RAVER2: variants seen among roughly 807,000 people sequenced by gnomAD.
RAVER2 encodes ribonucleoprotein, PTB binding 2.
A neutral mutation model predicts 78.1 loss-of-function variants in RAVER2; 46 were observed. The observed-to-expected ratio is 0.59, with a 90% CI of 0.46 to 0.75. The LOEUF is 0.75. Among genes scored for constraint, RAVER2 ranks in the 30% least tolerant of loss-of-function variants. The pLI, the probability that RAVER2 is intolerant of heterozygous loss-of-function variation, is 0.00. For synonymous variants in RAVER2, 311 were observed against 313.3 expected, an observed-to-expected ratio of 0.99 and a Z score of 0.08; for missense variants, 793 against 837.5, an observed-to-expected ratio of 0.95 and a Z score of 0.66.
chr1:64,751,124 A>G (rs527315275), intron 1 of RAVER2, among the ~76,000 whole-genome samples: 10 of 152,396 alleles, frequency 6.6e-5, no homozygotes, highest in South Asian at 2.1e-4. Flanking sequence ...CATGTAATCT[A>G]TAGCCCATTT....
At chr1:64,813,109 T>A (rs1383676970) in intron 10 of RAVER2, among the ~76,000 whole-genome samples, 5 of 152,254 alleles carry the variant, frequency 3.3e-5, no homozygotes, top group African/African-American at 1.2e-4. Flanking sequence ...TTATATATCT[T>A]GAGTATTTGA....
At chr1:64,826,576 G>T (rs555528093) in intron 11 of RAVER2, among the ~76,000 whole-genome samples, 20 of 152,324 alleles carry the variant, frequency 1.3e-4, no homozygotes, top group African/African-American at 4.3e-4. Flanking sequence ...GGTCGGGGAG[G>T]CAGAGGGCAC....
chr1:64,795,287 G>T (rs192689865), intron 5 of RAVER2, among the ~76,000 whole-genome samples: 2 of 152,054 alleles, frequency 1.3e-5, no homozygotes, highest in East Asian at 1.9e-4. Context: ...AAGTTGTTTG[G>T]CCATTCCAGG....
rs767467005 is a variant in RAVER2 at position 64,830,804 on chromosome 1, AT to A, written c.1930-31del. 1.6e-5 allele frequency: 24 copies of A among 1,542,286 alleles called. No individual in the cohort carries two copies. In the African/African-American group the frequency reaches 3.0e-4, roughly 20 times the overall value. ...TCTTTAATGAATAAGCCAACTTTAG[AT>A]TTTAAAACTAGCTGCAATTTTATTT... is the stretch of plus-strand genomic sequence containing the variant. On this transcript the variant is annotated intron_variant, in intron 11 of 11. Transcript: ENST00000294428.
intron 4 of RAVER2, among the ~76,000 whole-genome samples, chr1:64,785,558 G>A (rs1652756158): frequency 6.6e-6 from 1 of 151,778 alleles, no homozygotes; most frequent in Admixed American, 6.6e-5. Flanking sequence ...TAGTAGAGAC[G>A]GGGTTTCACC....
chr1:64,756,618 C>T (rs1031162749), intron 1 of RAVER2, among the ~76,000 whole-genome samples: 4 of 152,188 alleles, frequency 2.6e-5, no homozygotes, highest in Admixed American at 6.5e-5. Flanking sequence ...CCTGATGTTA[C>T]ATCTTATACA....
At position 64,752,536 on chromosome 1, in the gene RAVER2, A is replaced by C. The variant is rs139144531; in HGVS notation, c.249+7115A>C. Among the ~76,000 whole-genome samples the C allele has an allele frequency of 2.8e-3, 420 of 151,990 alleles. 1 individual carries two copies. The highest frequency in any genetic ancestry group is 4.4e-3 in the Non-Finnish European group (297 of 67,948). On this transcript the variant is annotated intron_variant, in intron 1 of 11. Transcript: ENST00000294428. ...TGCTGGGGCCCTGATTCTGTTGCCT[A>C]CTCAGTTGCCTTTCTTCCTCTTGCC...
At chr1:64,778,738 G>C (rs1056885007) in intron 3 of RAVER2, among the ~76,000 whole-genome samples, 2 of 148,928 alleles carry the variant, frequency 1.3e-5, no homozygotes, top group African/African-American at 4.9e-5. Flanking sequence ...TTTCCTTACA[G>C]AGTTTTGATA....
chr1:64,778,241 G>T, intron 3 of RAVER2, 149 bp downstream of exon 3: 1 of 687,106 alleles, frequency 1.5e-6, no homozygotes, highest in Non-Finnish European at 2.3e-6. Flanking sequence ...TTGATCTCAT[G>T]GGAAATTTTA....
In RAVER2 at chr1:64,800,147, G is replaced by A. The variant is rs1220193358; in HGVS notation, c.1106-2829G>A. ...TTGTTTTTTGTTTTTTTTTTTTGCT[G>A]TTGAATTGCTAGAGTTCTGTGTATA... On this transcript the variant is annotated intron_variant, in intron 5 of 11. Coordinates refer to ENST00000294428, the Ensembl canonical transcript of RAVER2. Among the ~76,000 whole-genome samples the A allele has an allele frequency of 2.1e-5, 3 of 143,548 alleles. No individual in the cohort carries two copies. The South Asian group carries it at 6.5e-4, about 31-fold the overall frequency. 94.2% of individuals were successfully genotyped at this position (143,548 alleles called of 152,430 possible).
chr1:64,783,281 G>A (rs930036895), intron 4 of RAVER2, among the ~76,000 whole-genome samples: 2 of 152,086 alleles, frequency 1.3e-5, no homozygotes, highest in Non-Finnish European at 2.9e-5. Flanking sequence ...GTATTTCTAG[G>A]TTCTAGATCC....
chr1:64,759,607 C>G (rs1362536574), intron 1 of RAVER2, among the ~76,000 whole-genome samples: 2 of 151,588 alleles, frequency 1.3e-5, no homozygotes, highest in East Asian at 3.9e-4. Flanking sequence ...AGCTTTGCCT[C>G]CCGGGTTCAC....
Position 64,745,119 on chromosome 1 carries a change from C to G in RAVER2, c.-54C>G, listed in dbSNP as rs923168964. Reference sequence around the variant, plus strand: ...GCCCGGGCCTCCTCCCGCTTTCTCTCTCCGCTTCCCCTGGAGCCTCCGAGG... The same window carrying G: ...GCCCGGGCCTCCTCCCGCTTTCTCTGTCCGCTTCCCCTGGAGCCTCCGAGG... On this transcript the variant is annotated 5_prime_UTR_variant, in exon 1 of 12. Transcript: ENST00000294428. The surrounding 1 kb of genome is among the most constrained non-coding windows in gnomAD (Gnocchi z 4.3). 1.7e-4 allele frequency: 168 copies of G among 1,017,950 alleles called. No individual in the cohort carries two copies. The highest frequency in any genetic ancestry group is 1.9e-4 in the Non-Finnish European group (163 of 852,310). The allele number at this position is 1,017,950 out of a possible 1,614,324, so 63.1% of individuals were successfully genotyped here.
chr1:64,790,593 A>G (rs1454534868), intron 5 of RAVER2, among the ~76,000 whole-genome samples: 1 of 152,196 alleles, frequency 6.6e-6, no homozygotes, highest in African/African-American at 2.4e-5. Flanking sequence ...TGAAATTGCT[A>G]AGATCTACAG....
chr1:64,776,851 A>G (rs961349433), intron 2 of RAVER2, among the ~76,000 whole-genome samples: 4 of 152,220 alleles, frequency 2.6e-5, no homozygotes, highest in Non-Finnish European at 5.9e-5. Flanking sequence ...TTAGAATGTT[A>G]TATTTGTATT....
chr1:64,823,482 T>C (rs1035631024), intron 11 of RAVER2, among the ~76,000 whole-genome samples: 2 of 152,226 alleles, frequency 1.3e-5, no homozygotes, highest in African/African-American at 4.8e-5. Flanking sequence ...AATAGCATTA[T>C]AGTCAGCTAT....
At chr1:64,808,134 T>A (rs571322189) in intron 9 of RAVER2, among the ~76,000 whole-genome samples, 67 of 152,270 alleles carry the variant, frequency 4.4e-4, no homozygotes, top group African/African-American at 1.6e-3. Flanking sequence ...ACTAATCTGG[T>A]CTCTCTTTTA....
chr1:64,764,704 CTG>C (rs371552082), intron 1 of RAVER2, among the ~76,000 whole-genome samples: 4 of 152,142 alleles, frequency 2.6e-5, no homozygotes, highest in African/African-American at 7.2e-5. Flanking sequence ...GTTCACAAGA[CTG>C]TGGAGGCTGG....
intron 4 of RAVER2, among the ~76,000 whole-genome samples, chr1:64,781,946 C>T (rs949206585): frequency 7.2e-5 from 11 of 152,060 alleles, no homozygotes; most frequent in African/African-American, 1.9e-4. Flanking sequence ...CTCTTTCACC[C>T]AGGCTGGAGT....
Sources: allele counts gnomAD v4.1 joint callset (sites outside exome capture counted in the v4.1 genomes callset), GRCh38; gene constraint gnomAD v4.1.1; non-coding constraint Gnocchi (gnomAD v3.1); transcripts MANE v1.5; gene names NCBI Gene and HGNC (gene_info 2026-07-23, HGNC 2026-07-21).